Variants in USP34 observed in about 807,000 individuals in gnomAD.
USP34 encodes the protein ubiquitin specific peptidase 34.
A neutral mutation model predicts 460.3 loss-of-function variants in USP34; 70 were observed. The ratio of observed to expected loss-of-function variants is 0.15; its 90% CI spans 0.13 to 0.19. The LOEUF (loss-of-function observed/expected upper bound fraction) is 0.19, where lower values mean the gene tolerates loss of function less well. Among genes scored for constraint, USP34 ranks in the 10% least tolerant of loss-of-function variants. The probability of loss-of-function intolerance (pLI) is 1.00; values close to 1 mark genes in which losing one functional copy is unlikely to be tolerated. For synonymous variants in USP34, 1,647 were observed against 1,405.3 expected (o/e 1.17, Z -3.85); for missense variants, 3,985 against 4,236.2 (o/e 0.94, Z 1.65).
chr2:61,289,274 C>G (rs1020750118), intron 33 of USP34, among the ~76,000 whole-genome samples: 4 of 152,076 alleles, frequency 2.6e-5, no homozygotes, highest in Admixed American at 6.6e-5. Context: ...GTATTATATG[C>G]TGTGTCTCCC....
intron 10 of USP34, among the ~76,000 whole-genome samples, chr2:61,353,814 A>AG (rs756371100): frequency 6.6e-6 from 1 of 152,210 alleles, no homozygotes; most frequent in Non-Finnish European, 1.5e-5. Flanking sequence ...TGAGAATATC[A>AG]GCAAAGGGAC....
intron 2 of USP34, among the ~76,000 whole-genome samples, chr2:61,412,284 A>G (rs1011642686): frequency 1.9e-5 from 2 of 105,276 alleles, no homozygotes; most frequent in African/African-American, 3.5e-5. Flanking sequence ...AAATACAAAA[A>G]GGAAAAAAAG....
intron 70 of USP34, 86 bp from the exon 71 acceptor site, chr2:61,206,972 A>G: frequency 7.1e-7 from 1 of 1,407,282 alleles, no homozygotes; most frequent in Non-Finnish European, 9.7e-7. Flanking sequence ...TCTACGATAG[A>G]TGTTTTCAGA....
At chr2:61,390,568 T>G (rs924293071) in intron 5 of USP34, among the ~76,000 whole-genome samples, 1 of 152,316 alleles carries the variant, frequency 6.6e-6, no homozygotes, top group Admixed American at 6.5e-5. Flanking sequence ...ATAATATTTG[T>G]GCAAACTGAG....
Position 61,188,271 on chromosome 2 carries a change from A to C in USP34, c.10472T>G (p.Leu3491Trp). The C allele has an allele frequency of 1.2e-6, 2 of 1,614,028 alleles. No homozygotes were observed. ...AGCAACCTCAGGGTCCTGGGAGGGC[A>C]AAGCTTGGCCATCACAGCTTCTCAA... ...ADLRSCDGQA[L>W]PSQDPEVALS... The change falls in exon 80 of 80, where the codon TTG becomes TGG. Residue 3491 changes from leucine to tryptophan, a missense_variant. By Grantham distance (61) the Leu-to-Trp change is moderately conservative (BLOSUM62 -2). Transcript: ENST00000398571.
At chr2:61,270,563 G>T (rs909315202) in intron 41 of USP34, among the ~76,000 whole-genome samples, 1 of 152,166 alleles carries the variant, frequency 6.6e-6, no homozygotes, top group African/African-American at 2.4e-5. Flanking sequence ...AGCCTCCCGA[G>T]TAGCTGTGAT....
intron 57 of USP34, among the ~76,000 whole-genome samples, chr2:61,234,562 A>G (rs1688007671): frequency 1.3e-5 from 2 of 152,186 alleles, no homozygotes; most frequent in African/African-American, 4.8e-5. Flanking sequence ...AACAACATAC[A>G]AAAGTAGTTA....
At chr2:61,383,426 C>T in intron 5 of USP34, 90 bp from the exon 6 acceptor site, 2 of 988,752 alleles carry the variant, frequency 2.0e-6, no homozygotes, top group Non-Finnish European at 3.0e-6. Flanking sequence ...GAGCATTGGC[C>T]AGGCACGGTC....
At chr2:61,399,486 A>C (rs892667049) in intron 3 of USP34, among the ~76,000 whole-genome samples, 6 of 152,242 alleles carry the variant, frequency 3.9e-5, no homozygotes, top group South Asian at 2.1e-4. Flanking sequence ...AAAATGTTAT[A>C]ATCTCATTTT....
chr2:61,348,736 AG>A lies in USP34; in HGVS notation c.1674+19del. On this transcript the variant is annotated intron_variant, in intron 14 of 79. Transcript: ENST00000398571. Reference sequence around the variant, plus strand: ...GAAAGCCAAAAATGCCTATAAAAGAAGAAAAACCTATTTTCATACCTCTGTG... The same window carrying A: ...GAAAGCCAAAAATGCCTATAAAAGAAAAAAACCTATTTTCATACCTCTGTG... The A allele has an allele frequency of 6.2e-7, 1 of 1,604,182 alleles. No individual in the cohort carries two copies. The highest frequency in any genetic ancestry group is 8.5e-7 in the Non-Finnish European group (1 of 1,176,266).
At chr2:61,447,560 C>G (rs1169334073) in intron 1 of USP34, among the ~76,000 whole-genome samples, 1 of 152,160 alleles carries the variant, frequency 6.6e-6, no homozygotes, top group Non-Finnish European at 1.5e-5. Context: ...GCTAGCTCAG[C>G]TCACAACTCA....
chr2:61,447,254 C>CCA (rs1380226632), intron 1 of USP34, among the ~76,000 whole-genome samples: 7 of 59,618 alleles, frequency 1.2e-4, no homozygotes, highest in Admixed American at 6.1e-4. Flanking sequence ...AACTGTCTTC[C>CCA]AAAAAAAAAA....
rs80242577 is a variant in USP34, at chr2:61,221,446, A to T, written c.7899+56T>A. The T allele has an allele frequency of 3.2e-3, 4,760 of 1,478,686 alleles. 129 individuals are homozygous for T. In the African/African-American group the frequency reaches 0.059, roughly 18 times the overall value. 91.6% of individuals were successfully genotyped at this position (1,478,686 alleles called of 1,614,324 possible). On this transcript the variant is annotated intron_variant, in intron 66 of 79. Coordinates refer to ENST00000398571, the MANE Select transcript of USP34 (RefSeq NM_014709.4). ...TACTTAAAATGGTAGTGACTATATT[A>T]TAAAAATAAAATCCTCAGGAAAATA...
chr2:61,314,762 A>G lies in USP34; in HGVS notation c.3383-18T>C. On this transcript the variant is annotated intron_variant, in intron 24 of 79. Transcript: ENST00000398571. The stretch of plus-strand genomic sequence containing the variant: ...TGTTTTACCTGAAAGCCAAATGTTT[A>G]GACACATATATTAGCCTTATATTCT... 6.3e-7 allele frequency: 1 copy of G among 1,576,070 alleles called. No homozygotes were observed. Among genetic ancestry groups the G allele is most frequent in the Non-Finnish European group, 8.6e-7 (1 of 1,165,738 alleles).
intron 1 of USP34, among the ~76,000 whole-genome samples, chr2:61,445,966 T>C (rs533773293): frequency 6.6e-6 from 1 of 151,094 alleles, no homozygotes; most frequent in South Asian, 2.1e-4. Context: ...AAAAAGTAAT[T>C]AGTCTGTAAC....
chr2:61,263,428 G>A lies in USP34; in HGVS notation c.5778+1969C>T, dbSNP rs566477021. Among the ~76,000 whole-genome samples the A allele has an allele frequency of 1.5e-4, 23 of 151,376 alleles. No homozygotes were observed. The East Asian group carries it at 3.9e-3, about 26-fold the overall frequency. ...ACTCCTGACCTCAGGTGATCCGCCC[G>A]CCTCGGCCTTCCAAAGTGCTGGGAT... On this transcript the variant is annotated intron_variant, in intron 43 of 79. Coordinates refer to ENST00000398571, the MANE Select transcript of USP34 (RefSeq NM_014709.4).
chr2:61,245,291 A>G lies in USP34; in HGVS notation c.6549-3T>C. The G allele has an allele frequency of 3.8e-6, 6 of 1,587,522 alleles. No individual in the cohort carries two copies. Among genetic ancestry groups the G allele is most frequent in the Non-Finnish European group, 5.2e-6 (6 of 1,159,726 alleles). ...CCTCAGCATCATTAAAAAGATACCTAAAATAGAGCATATAGTATTAATCTA... is the reference window on the plus strand; with the variant it reads ...CCTCAGCATCATTAAAAAGATACCTGAAATAGAGCATATAGTATTAATCTA... On this transcript the variant is annotated splice_region_variant and splice_polypyrimidine_tract_variant and intron_variant, in intron 50 of 79. Transcript: ENST00000398571.
intron 41 of USP34, among the ~76,000 whole-genome samples, chr2:61,267,667 G>A (rs571825843): frequency 6.6e-6 from 1 of 152,192 alleles, no homozygotes; most frequent in African/African-American, 2.4e-5. Flanking sequence ...AGGCTGGAGT[G>A]CAGTGGCGCC....
At chr2:61,232,842 TTATA>T (rs150827710) in intron 57 of USP34, among the ~76,000 whole-genome samples, 3 of 100,632 alleles carry the variant, frequency 3.0e-5, no homozygotes, top group East Asian at 3.2e-4. Flanking sequence ...TTCTTATTAA[TTATA>T]TATATATATA....
Sources: gnomAD v4.1 joint callset for allele counts (sites outside exome capture counted in the v4.1 genomes callset) on GRCh38, gnomAD v4.1.1 for gene constraint, MANE v1.5 for transcripts, NCBI Gene and HGNC (gene_info 2026-07-23, HGNC 2026-07-21) for gene names.